Variants in GRIA4 observed in about 807,000 individuals in gnomAD.
GRIA4 encodes the protein glutamate receptor 4.
In GRIA4, 34 loss-of-function variants were observed where a neutral mutation model predicts 104.0. The ratio of observed to expected loss-of-function variants is 0.33; its 90% CI spans 0.25 to 0.44. GRIA4 has a LOEUF of 0.44. Among genes scored for constraint, GRIA4 ranks in the 20% least tolerant of loss-of-function variants. The pLI is 1.00. For synonymous variants in GRIA4, 386 were observed against 381.9 expected (o/e 1.01, Z -0.13); for missense variants, 750 against 1,096.5 (o/e 0.68, Z 4.46).
At chr11:105,789,066 T>C (rs1483100242) in intron 4 of GRIA4, among the ~76,000 whole-genome samples, 1 of 152,076 alleles carries the variant, frequency 6.6e-6, no homozygotes, top group Non-Finnish European at 1.5e-5. Context: ...TAAAATAATT[T>C]AATGGAATCT....
At chr11:105,763,936 C>T (rs1362987172) in intron 4 of GRIA4, among the ~76,000 whole-genome samples, 1 of 152,154 alleles carries the variant, frequency 6.6e-6, no homozygotes, top group Non-Finnish European at 1.5e-5. Flanking sequence ...AGATTTCTAT[C>T]AATTCTCACT....
intron 7 of GRIA4, among the ~76,000 whole-genome samples, chr11:105,899,818 T>C (rs1311811757): frequency 6.6e-6 from 1 of 152,196 alleles, no homozygotes; most frequent in Non-Finnish European, 1.5e-5. Flanking sequence ...ATTGAACTCC[T>C]GGCCAACAGC....
chr11:105,774,109 T>C (rs2135750752), intron 4 of GRIA4, among the ~76,000 whole-genome samples: 1 of 151,534 alleles, frequency 6.6e-6, no homozygotes, highest in South Asian at 2.1e-4. Flanking sequence ...GTAAAAATTA[T>C]AGAAGCCACA....
chr11:105,840,491 C>T (rs181913303), intron 4 of GRIA4, among the ~76,000 whole-genome samples: 1 of 152,282 alleles, frequency 6.6e-6, no homozygotes, highest in East Asian at 1.9e-4. Flanking sequence ...GGAACACGAA[C>T]TGACTTATTT....
intron 14 of GRIA4, among the ~76,000 whole-genome samples, chr11:105,935,545 C>A (rs193044083): frequency 1.3e-5 from 2 of 152,038 alleles, no homozygotes; most frequent in Non-Finnish European, 2.9e-5. Flanking sequence ...CTGTTGAAGG[C>A]GTGGTTTTTG....
intron 5 of GRIA4, among the ~76,000 whole-genome samples, chr11:105,873,956 A>G (rs1333204463): frequency 6.6e-6 from 1 of 152,070 alleles, no homozygotes; most frequent in African/African-American, 2.4e-5. Context: ...TTTTGTTGCC[A>G]TTGCTTTTGG....
chr11:105,663,916 A>G (rs957617046), intron 3 of GRIA4, among the ~76,000 whole-genome samples: 4 of 151,600 alleles, frequency 2.6e-5, no homozygotes, highest in Non-Finnish European at 5.9e-5. Flanking sequence ...AACCCTCCAT[A>G]GTAGGTTAAT....
intron 3 of GRIA4, among the ~76,000 whole-genome samples, chr11:105,627,161 G>A (rs2135294295): frequency 6.6e-6 from 1 of 152,294 alleles, no homozygotes; most frequent in East Asian, 1.9e-4. Context: ...AAAGACGCAT[G>A]AGATTCTGCT....
chr11:105,747,809 T>C (rs866185214), intron 3 of GRIA4, among the ~76,000 whole-genome samples: 16 of 152,146 alleles, frequency 1.1e-4, no homozygotes, highest in African/African-American at 3.4e-4. Context: ...ATGAAAATGG[T>C]TATTATAAGA....
intron 4 of GRIA4, among the ~76,000 whole-genome samples, chr11:105,797,210 A>T (rs1005528397): frequency 6.6e-5 from 10 of 152,150 alleles, no homozygotes; most frequent in African/African-American, 2.4e-4. Context: ...CCCTGTCTTG[A>T]AAATAAATAA....
intron 3 of GRIA4, among the ~76,000 whole-genome samples, chr11:105,727,103 T>C (rs866041891): frequency 6.6e-6 from 1 of 151,846 alleles, no homozygotes; most frequent in Non-Finnish European, 1.5e-5. Context: ...TAAAGGAGCA[T>C]GTTATAACCC....
chr11:105,612,618 C>A (rs199564574), intron 3 of GRIA4, 184 bp downstream of exon 3: 2 of 500,984 alleles, frequency 4.0e-6, no homozygotes, highest in East Asian at 6.3e-5. Flanking sequence ...TTTTTTTTTT[C>A]TTTTCCTTAA....
intron 3 of GRIA4, among the ~76,000 whole-genome samples, chr11:105,665,007 T>C (rs1952122689): frequency 6.6e-6 from 1 of 152,020 alleles, no homozygotes; most frequent in Non-Finnish European, 1.5e-5. Context: ...AATTTGGCAA[T>C]ATTTGGGAGA....
chr11:105,746,476 C>A (rs1371096735), intron 3 of GRIA4, among the ~76,000 whole-genome samples: 1 of 151,062 alleles, frequency 6.6e-6, no homozygotes, highest in Non-Finnish European at 1.5e-5. Flanking sequence ...GTTGTTAATT[C>A]AGTTTAAAGG....
chr11:105,766,614 C>T (rs924938702), intron 4 of GRIA4, among the ~76,000 whole-genome samples: 1 of 151,664 alleles, frequency 6.6e-6, no homozygotes, highest in African/African-American at 2.4e-5. Flanking sequence ...TACACACTTA[C>T]TAATTCAATT....
At chr11:105,971,460 A>T (rs1858686501) in intron 14 of GRIA4, among the ~76,000 whole-genome samples, 1 of 152,212 alleles carries the variant, frequency 6.6e-6, no homozygotes, top group African/African-American at 2.4e-5. Context: ...ATACTTTTAT[A>T]GCATAAAGTC....
intron 4 of GRIA4, among the ~76,000 whole-genome samples, chr11:105,808,424 G>C (rs1052550742): frequency 6.6e-6 from 1 of 152,002 alleles, no homozygotes; most frequent in Non-Finnish European, 1.5e-5. Flanking sequence ...AGATCAATTT[G>C]CACTGGGAAG....
chr11:105,695,315 C>A (rs1215389973), intron 3 of GRIA4, among the ~76,000 whole-genome samples: 1 of 152,168 alleles, frequency 6.6e-6, no homozygotes, highest in Non-Finnish European at 1.5e-5. Flanking sequence ...CCAGCTGATT[C>A]TCTTCCCTGT....
chr11:105,828,631 A>C (rs1943860865), intron 4 of GRIA4, among the ~76,000 whole-genome samples: 2 of 151,794 alleles, frequency 1.3e-5, no homozygotes, highest in Non-Finnish European at 2.9e-5. Flanking sequence ...TAGAAGATGA[A>C]AGACTGGTGA....
Sources: gnomAD v4.1 joint callset for allele counts (sites outside exome capture counted in the v4.1 genomes callset) on GRCh38, gnomAD v4.1.1 for gene constraint, MANE v1.5 for transcripts, NCBI Gene and HGNC (gene_info 2026-07-23, HGNC 2026-07-21) for gene names.